The following TFDP2 variants were observed in gnomAD, a reference collection of about 807,000 sequenced individuals.
TFDP2 encodes transcription factor Dp-2 (E2F dimerization partner 2).
Under a neutral mutation model 59.3 loss-of-function variants are expected in TFDP2, and 17 were observed. The ratio of observed to expected loss-of-function variants is 0.29; its 90% confidence interval spans 0.20 to 0.43. The LOEUF (loss-of-function observed/expected upper bound fraction) is 0.43, where lower values mean the gene tolerates loss of function less well. Ranked by LOEUF, TFDP2 falls within the 20% of genes least tolerant of loss-of-function variation. TFDP2 has a pLI of 1.00. For synonymous variants in TFDP2, 180 were observed against 194.7 expected, an observed-to-expected ratio of 0.92 and a Z score of 0.63; for missense variants, 391 against 528.8, an observed-to-expected ratio of 0.74 and a Z score of 2.56.
At chr3:141,970,560 C>A (rs1016706105) in intron 8 of TFDP2, among the ~76,000 whole-genome samples, 1 of 152,154 alleles carries the variant, frequency 6.6e-6, no homozygotes, top group African/African-American at 2.4e-5. Context: ...TCGAAGGGAA[C>A]GGAGGCATAG....
chr3:142,042,630 C>CTTTTTTTTTTTTTTTTTTTTTTTTTTT (rs66981475), intron 3 of TFDP2, among the ~76,000 whole-genome samples: 2 of 108,220 alleles, frequency 1.8e-5, no homozygotes, highest in Non-Finnish European at 3.7e-5. Flanking sequence ...CTTTTCTTTT[C>CTTTTTTTTTTTTTTTTTTTTTTTTTTT]TTTTTTTTTT....
chr3:141,972,814 G>T (rs1939972483), intron 8 of TFDP2, among the ~76,000 whole-genome samples: 1 of 152,064 alleles, frequency 6.6e-6, no homozygotes, highest in African/African-American at 2.4e-5. Flanking sequence ...TAAGCACAAG[G>T]TAGATGTGAA....
chr3:142,041,880 A>T (rs1946989262), intron 3 of TFDP2, among the ~76,000 whole-genome samples: 1 of 152,054 alleles, frequency 6.6e-6, no homozygotes, highest in Non-Finnish European at 1.5e-5. Flanking sequence ...TTGCATACGG[A>T]CTTTGATTGT....
At chr3:141,977,071 TAGAG>T (rs1484263016) in intron 7 of TFDP2, among the ~76,000 whole-genome samples, 1 of 144,772 alleles carries the variant, frequency 6.9e-6, no homozygotes, top group African/African-American at 2.6e-5. Flanking sequence ...ATCAGTGCTC[TAGAG>T]AAACAGTCAT....
intron 6 of TFDP2, among the ~76,000 whole-genome samples, chr3:141,985,295 G>A (rs761982379): frequency 1.1e-4 from 16 of 151,968 alleles, no homozygotes; most frequent in African/African-American, 2.4e-5. Flanking sequence ...TTAGGAGGCC[G>A]AGGCAGGCAG....
intron 3 of TFDP2, among the ~76,000 whole-genome samples, chr3:142,067,664 C>T (rs545655945): frequency 3.2e-4 from 49 of 152,150 alleles, no homozygotes; most frequent in African/African-American, 1.1e-3. Context: ...GAAGAGCCAA[C>T]ACAATAGTAA....
At chr3:142,096,745 T>A (rs1234294883) in intron 2 of TFDP2, among the ~76,000 whole-genome samples, 2 of 152,192 alleles carry the variant, frequency 1.3e-5, no homozygotes, top group Admixed American at 1.3e-4. Context: ...CTGACTGACA[T>A]AACATTACTG....
At chr3:142,093,662 A>T (rs1231452804) in intron 2 of TFDP2, among the ~76,000 whole-genome samples, 1 of 152,212 alleles carries the variant, frequency 6.6e-6, no homozygotes, top group Non-Finnish European at 1.5e-5. Context: ...CTTAATCACT[A>T]TCTAAAATGC....
At chr3:142,148,578 G>T (rs1003645026) in intron 1 of TFDP2, among the ~76,000 whole-genome samples, 1 of 152,188 alleles carries the variant, frequency 6.6e-6, no homozygotes, top group Admixed American at 6.5e-5. Flanking sequence ...GCACAGGCTG[G>T]TAAGAGAGAC....
At chr3:141,968,736 T>C (rs1445420132) in intron 9 of TFDP2, among the ~76,000 whole-genome samples, 1 of 103,366 alleles carries the variant, frequency 9.7e-6, no homozygotes, top group Non-Finnish European at 1.7e-5. Context: ...ATAACACATA[T>C]ATATCTCATA....
intron 11 of TFDP2, among the ~76,000 whole-genome samples, chr3:141,956,488 C>G (rs1936672736): frequency 6.6e-6 from 1 of 151,720 alleles, no homozygotes. Flanking sequence ...GGAGGTGGAG[C>G]TTGCAGTGAG....
chr3:142,062,429 A>G lies in TFDP2; in HGVS notation c.82+30632T>C, dbSNP rs182708432. 3.9e-3 allele frequency among the ~76,000 whole-genome samples: 493 copies of G among 127,110 alleles called. 2 individuals are homozygous for G. The highest frequency in any genetic ancestry group is 0.012 in the African/African-American group (441 of 36,138). 83.4% of individuals were successfully genotyped at this position (127,110 alleles called of 152,430 possible). A position where few individuals can be genotyped will look rare whatever the true frequency, so the allele number is the denominator to read the frequency against. Reference sequence around the variant, plus strand: ...TGTGTGTGTGTGTGTGTGTGTGTGTATATATATAGTCATAAAAAACCAATA... The same window carrying G: ...TGTGTGTGTGTGTGTGTGTGTGTGTGTATATATAGTCATAAAAAACCAATA... On this transcript the variant is annotated intron_variant, in intron 3 of 12. Coordinates refer to ENST00000489671, the MANE Select transcript of TFDP2 (RefSeq NM_001178139.2).
chr3:142,139,258 T>A (rs2062848438), intron 1 of TFDP2, among the ~76,000 whole-genome samples: 1 of 152,188 alleles, frequency 6.6e-6, no homozygotes, highest in South Asian at 2.1e-4. Context: ...CCCATGTGTG[T>A]CTCTGCATGT....
At chr3:142,070,714 G>A (rs2060218556) in intron 3 of TFDP2, among the ~76,000 whole-genome samples, 1 of 152,176 alleles carries the variant, frequency 6.6e-6, no homozygotes, top group Non-Finnish European at 1.5e-5. Context: ...AAATTGGACT[G>A]TTGTTTTGAT....
intron 3 of TFDP2, among the ~76,000 whole-genome samples, chr3:142,039,114 T>C (rs968867121): frequency 6.6e-6 from 1 of 152,226 alleles, no homozygotes; most frequent in African/African-American, 2.4e-5. Context: ...AAACAATCCT[T>C]TGCTAATGTC....
intron 3 of TFDP2, among the ~76,000 whole-genome samples, chr3:142,019,593 G>C (rs1395250747): frequency 6.6e-6 from 1 of 151,830 alleles, no homozygotes; most frequent in East Asian, 1.9e-4. Context: ...TGGATATGCT[G>C]TTCTTATAAA....
At position 142,140,141 on chromosome 3, in the gene TFDP2, C is replaced by G. The variant is rs143466560; in HGVS notation, c.-93+9042G>C. ...TGATCTTTAATCACTGATATCCTTT[C>G]TTCCACTTGATCAAATCGGCCTTTG... is the stretch of plus-strand genomic sequence containing the variant. On this transcript the variant is annotated intron_variant, in intron 1 of 12. Transcript: ENST00000489671. Among the ~76,000 whole-genome samples the G allele has an allele frequency of 2.4e-3, 361 of 152,280 alleles. 6 individuals are homozygous for G. Among genetic ancestry groups the G allele is most frequent in the African/African-American group, 8.5e-3 (352 of 41,550 alleles).
At chr3:142,127,654 T>C (rs1391952744) in intron 1 of TFDP2, among the ~76,000 whole-genome samples, 3 of 152,078 alleles carry the variant, frequency 2.0e-5, no homozygotes, top group African/African-American at 7.2e-5. Flanking sequence ...GCTTTTTTAA[T>C]AAAACTTTTT....
At chr3:142,086,868 G>A (rs2060823233) in intron 3 of TFDP2, among the ~76,000 whole-genome samples, 1 of 152,016 alleles carries the variant, frequency 6.6e-6, no homozygotes. Flanking sequence ...GTCCACCAAG[G>A]GTCACCTCAT....
Sources: gnomAD v4.1 joint callset for allele counts (sites outside exome capture counted in the v4.1 genomes callset) on GRCh38, gnomAD v4.1.1 for gene constraint, MANE v1.5 for transcripts, NCBI Gene and HGNC (gene_info 2026-07-23, HGNC 2026-07-21) for gene names.